EPM2A: variants seen among roughly 807,000 people sequenced by gnomAD.
EPM2A encodes EPM2A glucan phosphatase, laforin.
Under a neutral mutation model 26.5 loss-of-function variants are expected in EPM2A, and 21 were observed. That is an observed-to-expected ratio of 0.79 (90% CI 0.56 to 1.14). The LOEUF is 1.14. EPM2A is among the 50% of genes most tolerant of loss of function. EPM2A has a pLI of 0.00. For synonymous variants in EPM2A, 217 were observed against 177.6 expected, an observed-to-expected ratio of 1.22 and a Z score of -1.76; for missense variants, 458 against 440.8, an observed-to-expected ratio of 1.04 and a Z score of -0.35.
chr6:145,469,855 TTC>T (rs909249150), intron 4 of EPM2A, among the ~76,000 whole-genome samples: 8 of 152,138 alleles, frequency 5.3e-5, no homozygotes, highest in Non-Finnish European at 1.0e-4. Context: ...AAGAATGAGA[TTC>T]TGTTATTTAC....
chr6:145,435,674 A>G (rs184915323), intron 4 of EPM2A, among the ~76,000 whole-genome samples: 2 of 152,066 alleles, frequency 1.3e-5, no homozygotes, highest in Non-Finnish European at 2.9e-5. Context: ...AGCAATGCAA[A>G]AACAGACTGA....
chr6:145,658,686 TA>T (rs553954797), intron 2 of EPM2A, among the ~76,000 whole-genome samples: 13 of 152,028 alleles, frequency 8.6e-5, no homozygotes, highest in African/African-American at 2.2e-4. Context: ...CAAAATAAGT[TA>T]AAAAAAATCT....
chr6:145,391,014 C>A (rs1778330255), intron 4 of EPM2A, among the ~76,000 whole-genome samples: 1 of 152,040 alleles, frequency 6.6e-6, no homozygotes, highest in Non-Finnish European at 1.5e-5. Context: ...TTGGAAACAG[C>A]CTGAGATGGA....
chr6:145,461,244 T>C (rs145120556), intron 4 of EPM2A, among the ~76,000 whole-genome samples: 6 of 152,326 alleles, frequency 3.9e-5, no homozygotes, highest in South Asian at 2.1e-4. Flanking sequence ...AGTTCTTGTG[T>C]AGAAGCCTTA....
chr6:145,489,517 C>A lies in EPM2A; in HGVS notation c.555+13005G>T, dbSNP rs535636416. ...TTTCAACAAAAACAATTCAGCACAA[C>A]AACAAATAGCTTAACTTTGGTCCAC... On this transcript the variant is annotated intron_variant, in intron 4 of 4. Transcript: ENST00000638717. 117 of 601,704 alleles carry A rather than the reference C, an allele frequency of 1.9e-4. No homozygotes were observed. The East Asian group carries it at 3.4e-3, about 17-fold the overall frequency. The allele number at this position is 601,704 out of a possible 1,614,324, so 37.3% of individuals were successfully genotyped here.
At chr6:145,697,188 G>A (rs1305862589) in intron 1 of EPM2A, among the ~76,000 whole-genome samples, 1 of 152,110 alleles carries the variant, frequency 6.6e-6, no homozygotes, top group East Asian at 1.9e-4. Flanking sequence ...ACAAAAGAGA[G>A]AAATTTTAAA....
At chr6:145,482,435 A>G (rs954497702) in intron 4 of EPM2A, among the ~76,000 whole-genome samples, 1 of 152,102 alleles carries the variant, frequency 6.6e-6, no homozygotes, top group African/African-American at 2.4e-5. Context: ...ACTTTTTATT[A>G]CAGCATGTAG....
At chr6:145,509,556 A>G (rs1417263537) in intron 2 of EPM2A, among the ~76,000 whole-genome samples, 8 of 152,210 alleles carry the variant, frequency 5.3e-5, no homozygotes, top group Non-Finnish European at 1.2e-4. Context: ...ATTTGTTAGC[A>G]CTAGACTGGC....
At chr6:145,662,812 T>C (rs1778825943) in intron 2 of EPM2A, among the ~76,000 whole-genome samples, 1 of 152,188 alleles carries the variant, frequency 6.6e-6, no homozygotes, top group Non-Finnish European at 1.5e-5. Flanking sequence ...AGCTGGGTTC[T>C]TTGCTAAAAA....
downstream of EPM2A, among the ~76,000 whole-genome samples, chr6:145,497,736 C>T (rs776855693): frequency 5.9e-5 from 9 of 152,342 alleles, no homozygotes; most frequent in Non-Finnish European, 1.2e-4. Context: ...GAACATCGAC[C>T]CAACTGGCTG....
chr6:145,679,009 A>G (rs1442118878), intron 2 of EPM2A, among the ~76,000 whole-genome samples: 1 of 152,210 alleles, frequency 6.6e-6, no homozygotes, highest in African/African-American at 2.4e-5. Flanking sequence ...CCAAATGTCC[A>G]TCAATGATAG....
At chr6:145,428,075 G>GTT (rs11343322) in intron 4 of EPM2A, among the ~76,000 whole-genome samples, 1,164 of 97,488 alleles carry the variant, frequency 0.012, 22 homozygotes, top group African/African-American at 0.041. Context: ...TGTGTTGATA[G>GTT]TTTTTTTTTT....
At chr6:145,424,099 A>G (rs550173934) in intron 4 of EPM2A, among the ~76,000 whole-genome samples, 5 of 152,328 alleles carry the variant, frequency 3.3e-5, no homozygotes, top group Non-Finnish European at 5.9e-5. Context: ...GACACCAGCA[A>G]GAAGCCCACA....
At chr6:145,622,057 G>A (rs1367390226), downstream of EPM2A, among the ~76,000 whole-genome samples, 1 of 151,998 alleles carries the variant, frequency 6.6e-6, no homozygotes, top group African/African-American at 2.4e-5. Flanking sequence ...TTTTCTTCTA[G>A]GAGTTCTACT....
intron 2 of EPM2A, among the ~76,000 whole-genome samples, chr6:145,518,518 G>A (rs750397902): frequency 3.5e-5 from 5 of 142,092 alleles, no homozygotes; most frequent in Non-Finnish European, 6.0e-5. Context: ...GCCCTTTCCT[G>A]TCTCTTTGAA....
At chr6:145,699,248 C>T (rs1254133868) in intron 1 of EPM2A, among the ~76,000 whole-genome samples, 5 of 151,992 alleles carry the variant, frequency 3.3e-5, no homozygotes, top group Non-Finnish European at 7.4e-5. Context: ...GTGAGTGAAA[C>T]GAAACTAAAT....
chr6:145,524,302 T>C (rs1030901715), intron 2 of EPM2A, among the ~76,000 whole-genome samples: 8 of 152,222 alleles, frequency 5.3e-5, no homozygotes, highest in South Asian at 4.1e-4. Flanking sequence ...ATATACCCAG[T>C]AATGGGATTG....
intron 1 of EPM2A, among the ~76,000 whole-genome samples, chr6:145,726,860 T>C (rs1436159815): frequency 1.3e-5 from 2 of 152,104 alleles, no homozygotes; most frequent in African/African-American, 4.8e-5. Context: ...AATAATGAAA[T>C]ATGAATGAAA....
intron 2 of EPM2A, among the ~76,000 whole-genome samples, chr6:145,588,439 T>C (rs896216353): frequency 1.3e-5 from 2 of 152,198 alleles, no homozygotes; most frequent in African/African-American, 4.8e-5. Context: ...TTTTGAGAAA[T>C]GTCCTTCAGA....
Sources: allele counts gnomAD v4.1 joint callset (sites outside exome capture counted in the v4.1 genomes callset), GRCh38; gene constraint gnomAD v4.1.1; transcripts MANE v1.5; gene names NCBI Gene and HGNC (gene_info 2026-07-23, HGNC 2026-07-21).